The following DAP3 variants were observed in gnomAD, a reference collection of about 807,000 sequenced individuals.
DAP3 encodes the protein small ribosomal subunit protein mS29.
Under a neutral mutation model 51.9 loss-of-function variants are expected in DAP3, and 28 were observed. The observed-to-expected ratio is 0.54, with a 90% CI of 0.40 to 0.74. The LOEUF is 0.74. DAP3 is among the 30% of genes least tolerant of loss of function. The pLI, the probability that DAP3 is intolerant of heterozygous loss-of-function variation, is 0.00. For synonymous variants in DAP3, 170 were observed against 170.3 expected (o/e 1.00, Z 0.01); for missense variants, 458 against 483.5 (o/e 0.95, Z 0.49).
At chr1:155,696,655 A>C (rs547817912) in intron 1 of DAP3, among the ~76,000 whole-genome samples, 3 of 152,230 alleles carry the variant, frequency 2.0e-5, no homozygotes, top group Non-Finnish European at 4.4e-5. Context: ...TGTTGCACAT[A>C]GTATGTCATC....
upstream of DAP3, chr1:155,688,315 A>C (rs1315095667): frequency 4.5e-6 from 7 of 1,559,940 alleles, no homozygotes; most frequent in East Asian, 2.4e-5. Flanking sequence ...AAGCGAACCC[A>C]AAATGGCGGC....
intron 6 of DAP3, 160 bp downstream of exon 6, chr1:155,726,179 TC>T (rs2149186034): frequency 1.9e-6 from 1 of 516,714 alleles, no homozygotes; most frequent in East Asian, 3.7e-5. Context: ...AGAGGCGCAA[TC>T]TCAGGTCACC....
intron 3 of DAP3, among the ~76,000 whole-genome samples, chr1:155,718,744 A>ATAGG (rs1346936212): frequency 1.4e-5 from 2 of 147,108 alleles, no homozygotes; most frequent in Non-Finnish European, 3.1e-5. Context: ...AGATAGATAG[A>ATAGG]TAGATATAGA....
chr1:155,700,370 C>T (rs1389152252), intron 1 of DAP3, among the ~76,000 whole-genome samples: 1 of 152,254 alleles, frequency 6.6e-6, no homozygotes, highest in Non-Finnish European at 1.5e-5. Flanking sequence ...CCTTGAAGTA[C>T]AAGTGTCTGA....
At chr1:155,729,661 T>C (rs1421374223) in intron 9 of DAP3, among the ~76,000 whole-genome samples, 1 of 152,128 alleles carries the variant, frequency 6.6e-6, no homozygotes, top group African/African-American at 2.4e-5. Context: ...GGCACACACC[T>C]GTAGTCACTG....
intron 7 of DAP3, 150 bp from the exon 8 acceptor site, chr1:155,728,892 T>A (rs1471485245): frequency 1.6e-6 from 1 of 640,726 alleles, no homozygotes; most frequent in African/African-American, 1.9e-5. Context: ...AAGAAAGCAT[T>A]CACTTCTACA....
At chr1:155,703,059 G>T (rs571143338) in intron 1 of DAP3, among the ~76,000 whole-genome samples, 3 of 152,190 alleles carry the variant, frequency 2.0e-5, no homozygotes, top group African/African-American at 7.2e-5. Flanking sequence ...TAGTTTTGTA[G>T]TAAGTGTTGG....
chr1:155,696,029 C>G (rs544780488), intron 1 of DAP3, among the ~76,000 whole-genome samples: 1 of 152,264 alleles, frequency 6.6e-6, no homozygotes, highest in African/African-American at 2.4e-5. Flanking sequence ...CTTAATGTGA[C>G]TTTTATTTAT....
intron 1 of DAP3, among the ~76,000 whole-genome samples, chr1:155,704,115 C>CCA (rs1329817682): frequency 6.6e-6 from 1 of 152,120 alleles, no homozygotes; most frequent in Admixed American, 6.6e-5. Context: ...CCACTGCACT[C>CCA]CAGCCTGGGC....
rs1656470494 is a variant in DAP3 at position 155,709,802 on chromosome 1, G to A, written c.23G>A (p.Arg8Lys). 1.2e-6 allele frequency: 2 copies of A among 1,612,840 alleles called. No individual in the cohort carries two copies. Among genetic ancestry groups the A allele is most frequent in the South Asian group, 2.2e-5 (2 of 91,038 alleles). The change falls in exon 2 of 13, where the codon AGG becomes AAG. Residue 8 changes from arginine (R) to lysine (K), a missense_variant. Coordinates refer to ENST00000368336, the MANE Select transcript of DAP3 (RefSeq NM_004632.4). Reference protein sequence around the residue: MMLKGITRLISRIHKLDP... With the variant: MMLKGITKLISRIHKLDP... ...AGGATGATGCTGAAAGGAATAACAAGGCTTATCTCTAGGATCCATAAGGTG... is the reference window on the plus strand; with the variant it reads ...AGGATGATGCTGAAAGGAATAACAAAGCTTATCTCTAGGATCCATAAGGTG...
rs375689451 is a variant in DAP3, at chr1:155,729,365, C to T, written c.842C>T (p.Pro281Leu). 48 of 1,612,838 alleles carry T rather than the reference C, an allele frequency of 3.0e-5. No homozygotes were observed. The highest frequency in any genetic ancestry group is 1.0e-4 in the Admixed American group (6 of 59,614). ...ACTCTGAAAAGAGAAGATAAAAGCC[C>T]GGTAGGAAAACTGGGTGTCTCTATC... ...RTTLKREDKS[P>L]IAPEELALVH... Residue 281 changes from proline to leucine, a missense_variant and splice_region_variant, in exon 9 of 13, where the codon CCG becomes CTG. Physicochemically the swap from Pro to Leu is moderately conservative, Grantham distance 98. Transcript: ENST00000368336.
At chr1:155,737,086 A>T (rs894439765) in intron 12 of DAP3, 23 bp downstream of exon 12, 8 of 1,547,164 alleles carry the variant, frequency 5.2e-6, no homozygotes, top group Non-Finnish European at 7.1e-6. Flanking sequence ...GTTTTTTCCT[A>T]TCAGGGCTTT....
chr1:155,688,329 A>AGCG (rs1558323371), upstream of DAP3: 1 of 1,549,154 alleles, frequency 6.5e-7, no homozygotes, highest in Admixed American at 2.0e-5. Context: ...TGGCGGCGGC[A>AGCG]GCGGCGGCAG....
intron 7 of DAP3, 35 bp downstream of exon 7, chr1:155,727,773 TC>T (rs760412782): frequency 1.1e-5 from 17 of 1,604,094 alleles, no homozygotes; most frequent in Admixed American, 1.7e-5. Context: ...TGCTAGGTAG[TC>T]CTTACATGGA....
chr1:155,729,857 C>T lies in DAP3; in HGVS notation c.843+491C>T, dbSNP rs541384657. On this transcript the variant is annotated intron_variant, in intron 9 of 12. Transcript: ENST00000368336. ...CAGCACTTGGGGAGGCTGAGGCGGG[C>T]GGATCACCTGAGCTTGGAGTTCGAG... 1.7e-3 allele frequency among the ~76,000 whole-genome samples: 252 copies of T among 151,746 alleles called. 1 individual carries two copies. Among genetic ancestry groups the T allele is most frequent in the Middle Eastern group, 3.4e-3 (1 of 294 alleles).
rs1653283718 is a variant in DAP3, at chr1:155,689,197, G to A, written c.-8+23G>A. 3 of 710,372 alleles carry A rather than the reference G, an allele frequency of 4.2e-6. No homozygotes were observed. The South Asian group carries it at 4.5e-5, about 11-fold the overall frequency. 44.0% of individuals were successfully genotyped at this position (710,372 alleles called of 1,614,324 possible). ...ACGGTGAGGGAATGGACCGACACGG[G>A]TATTGTACCGCTGAGGGAAAGGAGC... On this transcript the variant is annotated intron_variant, in intron 1 of 12. Coordinates refer to ENST00000368336, the MANE Select transcript of DAP3 (RefSeq NM_004632.4).
At chr1:155,700,093 C>T (rs144920511) in intron 1 of DAP3, among the ~76,000 whole-genome samples, 142 of 152,274 alleles carry the variant, frequency 9.3e-4, no homozygotes, top group Non-Finnish European at 1.6e-3. Context: ...TGCACCACCA[C>T]GCCCAGTTAA....
At chr1:155,711,485 TC>T (rs1191988005) in intron 2 of DAP3, among the ~76,000 whole-genome samples, 1 of 150,764 alleles carries the variant, frequency 6.6e-6, no homozygotes, top group East Asian at 1.9e-4. Context: ...AGAGCGAGAC[TC>T]CATCTCAAAA....
upstream of DAP3, chr1:155,688,362 C>G (rs1039294641): frequency 4.5e-6 from 7 of 1,547,372 alleles, no homozygotes; most frequent in Admixed American, 5.9e-5. Context: ...GGCAGCTCCT[C>G]CAGAGGGAGG....
Sources: allele counts gnomAD v4.1 joint callset (sites outside exome capture counted in the v4.1 genomes callset), GRCh38; gene constraint gnomAD v4.1.1; transcripts MANE v1.5; gene names NCBI Gene and HGNC (gene_info 2026-07-23, HGNC 2026-07-21).